Variants in MYO3A observed in about 807,000 individuals in gnomAD.
MYO3A encodes myosin IIIA.
A neutral mutation model predicts 192.7 loss-of-function variants in MYO3A; 180 were observed. The ratio of observed to expected loss-of-function variants is 0.93; its 90% CI spans 0.83 to 1.06. The LOEUF is 1.06. Ranked by LOEUF, MYO3A falls within the 50% of genes least tolerant of loss-of-function variation. The pLI is 0.00. For missense variants in MYO3A, 1,896 were observed against 1,905.0 expected (o/e 1.00, Z 0.09); for synonymous variants, 628 against 645.3 (o/e 0.97, Z 0.41).
At chr10:26,058,973 T>C (rs924294521) in intron 10 of MYO3A, among the ~76,000 whole-genome samples, 1 of 151,956 alleles carries the variant, frequency 6.6e-6, no homozygotes, top group Admixed American at 6.6e-5. Context: ...GTGTTTTTAA[T>C]TTCCATTTTC....
At chr10:26,109,869 G>C (rs1838053001) in intron 17 of MYO3A, among the ~76,000 whole-genome samples, 1 of 152,118 alleles carries the variant, frequency 6.6e-6, no homozygotes, top group African/African-American at 2.4e-5. Context: ...GAAAGAGTTT[G>C]AGGAGCCAGA....
chr10:25,939,429 A>T (rs1836330371), intron 2 of MYO3A, among the ~76,000 whole-genome samples: 2 of 151,600 alleles, frequency 1.3e-5, no homozygotes, highest in Admixed American at 6.6e-5. Context: ...TTCCTTTCTA[A>T]TGTAAAATTT....
chr10:26,171,626 C>A (rs924686214), intron 29 of MYO3A, among the ~76,000 whole-genome samples: 12 of 152,150 alleles, frequency 7.9e-5, no homozygotes, highest in African/African-American at 2.9e-4. Flanking sequence ...TATATGCTCT[C>A]TGTCTTTGCT....
At chr10:26,141,286 T>G (rs1445379186) in intron 20 of MYO3A, among the ~76,000 whole-genome samples, 3 of 152,200 alleles carry the variant, frequency 2.0e-5, no homozygotes, top group Admixed American at 6.5e-5. Context: ...ATAGGAGCTT[T>G]CTTTCTCCAT....
chr10:26,112,373 A>G (rs187697498), intron 17 of MYO3A, among the ~76,000 whole-genome samples: 7 of 152,360 alleles, frequency 4.6e-5, no homozygotes, highest in African/African-American at 7.2e-5. Flanking sequence ...TTTGGTAGAA[A>G]TAAACCGCAT....
intron 18 of MYO3A, among the ~76,000 whole-genome samples, chr10:26,124,699 G>A (rs1364815144): frequency 6.6e-6 from 1 of 152,170 alleles, no homozygotes; most frequent in Non-Finnish European, 1.5e-5. Context: ...TTTGGTTAAA[G>A]ATGTTTATTA....
At chr10:25,940,057 T>C (rs937846453) in intron 2 of MYO3A, among the ~76,000 whole-genome samples, 1 of 152,076 alleles carries the variant, frequency 6.6e-6, no homozygotes, top group Non-Finnish European at 1.5e-5. Flanking sequence ...CATGGTACCA[T>C]TATTGTACTT....
intron 4 of MYO3A, among the ~76,000 whole-genome samples, chr10:25,966,261 A>G (rs1191334135): frequency 6.6e-6 from 1 of 152,184 alleles, no homozygotes; most frequent in Non-Finnish European, 1.5e-5. Flanking sequence ...GCGTAAGTTT[A>G]CAGAACTGAA....
chr10:26,109,181 C>T (rs768920943), intron 17 of MYO3A, among the ~76,000 whole-genome samples: 14 of 152,174 alleles, frequency 9.2e-5, no homozygotes, highest in Non-Finnish European at 1.6e-4. Context: ...AAGTTGCCCA[C>T]TCTAACTTAA....
chr10:26,096,659 A>G lies in MYO3A; in HGVS notation c.1753A>G (p.Lys585Glu). Reference sequence around the variant, plus strand: ...GTATGAATTAATTGAGCAATGTTTCAAAGTCATAGGTTTTACAATGGAGGT... The same window carrying G: ...GTATGAATTAATTGAGCAATGTTTCGAAGTCATAGGTTTTACAATGGAGGT... ...SQYELIEQCF[K>E]VIGFTMEQLG... Residue 585 changes from lysine to glutamate, a missense_variant, in exon 17 of 35, where the codon AAA becomes GAA. Lys to Glu is a moderately conservative substitution (Grantham distance 56). Transcript: ENST00000642920. The G allele has an allele frequency of 6.3e-7, 1 of 1,587,506 alleles. No individual in the cohort carries two copies. The highest frequency in any genetic ancestry group is 8.7e-7 in the Non-Finnish European group (1 of 1,155,744).
At chr10:26,143,839 G>A (rs1840306825) in intron 21 of MYO3A, among the ~76,000 whole-genome samples, 1 of 152,184 alleles carries the variant, frequency 6.6e-6, no homozygotes, top group African/African-American at 2.4e-5. Flanking sequence ...TTATTTTGTG[G>A]TGAAGCTCAA....
chr10:26,104,478 A>G, intron 17 of MYO3A, among the ~76,000 whole-genome samples: 1 of 152,140 alleles, frequency 6.6e-6, no homozygotes, highest in Non-Finnish European at 1.5e-5. Flanking sequence ...TCAAATATCA[A>G]TTAACCACAA....
intron 17 of MYO3A, among the ~76,000 whole-genome samples, chr10:26,104,476 CAATT>C (rs1447921723): frequency 6.6e-6 from 1 of 152,052 alleles, no homozygotes; most frequent in Non-Finnish European, 1.5e-5. Flanking sequence ...GGTCAAATAT[CAATT>C]AACCACAAAT....
chr10:26,177,277 T>G (rs1842383601), intron 31 of MYO3A, among the ~76,000 whole-genome samples: 1 of 152,188 alleles, frequency 6.6e-6, no homozygotes, highest in South Asian at 2.1e-4. Flanking sequence ...GTTATTGAAC[T>G]TTTTTCTAGT....
chr10:26,049,673 C>CTTTTTTTTTTTTTTTTT (rs66467075), intron 10 of MYO3A, among the ~76,000 whole-genome samples: 5 of 69,114 alleles, frequency 7.2e-5, no homozygotes, highest in African/African-American at 1.0e-4. Flanking sequence ...TTCTTTCTTT[C>CTTTTTTTTTTTTTTTTT]TTTTTTTTTT....
At chr10:26,093,710 C>T in intron 15 of MYO3A, among the ~76,000 whole-genome samples, 1 of 152,288 alleles carries the variant, frequency 6.6e-6, no homozygotes, top group East Asian at 1.9e-4. Context: ...ATTCTTCTGA[C>T]ATTATGGCCT....
intron 15 of MYO3A, among the ~76,000 whole-genome samples, chr10:26,095,646 T>C (rs775576740): frequency 5.3e-5 from 8 of 152,204 alleles, no homozygotes; most frequent in Non-Finnish European, 1.0e-4. Flanking sequence ...CAAGAAATTA[T>C]GTTGTGGAAC....
At chr10:25,972,235 A>G (rs1588682464) in intron 4 of MYO3A, among the ~76,000 whole-genome samples, 1 of 152,010 alleles carries the variant, frequency 6.6e-6, no homozygotes. Context: ...TTTCATTTCC[A>G]TAACTGTAGT....
intron 6 of MYO3A, among the ~76,000 whole-genome samples, chr10:26,009,014 G>A (rs1282070370): frequency 2.0e-5 from 3 of 151,944 alleles, no homozygotes; most frequent in African/African-American, 7.3e-5. Context: ...TTAAGAAAAT[G>A]TGACACATAT....
Sources: gnomAD v4.1 joint callset for allele counts (sites outside exome capture counted in the v4.1 genomes callset) on GRCh38, gnomAD v4.1.1 for gene constraint, MANE v1.5 for transcripts, NCBI Gene and HGNC (gene_info 2026-07-23, HGNC 2026-07-21) for gene names.